The following TPRG1 variants were observed in gnomAD, a reference collection of about 807,000 sequenced individuals.
The protein encoded by TPRG1 is tumor protein p63-regulated gene 1 protein.
In TPRG1, 29 loss-of-function variants were observed where a neutral mutation model predicts 29.3. That is an observed-to-expected ratio of 0.99 (90% CI 0.74 to 1.35). The LOEUF (loss-of-function observed/expected upper bound fraction) is 1.35. Among genes scored for constraint, TPRG1 ranks in the 40% most tolerant of loss-of-function variants. TPRG1 has a pLI of 0.00. For missense variants in TPRG1, 327 were observed against 335.0 expected (o/e 0.98, Z 0.19); for synonymous variants, 130 against 116.8 (o/e 1.11, Z -0.73).
intron 4 of TPRG1, among the ~76,000 whole-genome samples, chr3:189,260,458 A>G (rs1712805015): frequency 6.6e-6 from 1 of 152,058 alleles, no homozygotes; most frequent in African/African-American, 2.4e-5. Context: ...TAGTGTAGCA[A>G]TTTTCCAAAA....
At chr3:189,052,867 T>C (rs951478071) in intron 4 of TPRG1, among the ~76,000 whole-genome samples, 2 of 152,166 alleles carry the variant, frequency 1.3e-5, no homozygotes, top group African/African-American at 2.4e-5. Flanking sequence ...ATCACTGATA[T>C]GTGGTAGCTA....
intron 5 of TPRG1, among the ~76,000 whole-genome samples, chr3:189,162,780 G>A (rs1727653831): frequency 6.6e-6 from 1 of 152,122 alleles, no homozygotes; most frequent in Non-Finnish European, 1.5e-5. Flanking sequence ...TTTGGAGAGA[G>A]AACCAGATCT....
At chr3:189,203,483 A>G (rs1733819277) in intron 1 of TPRG1, among the ~76,000 whole-genome samples, 1 of 152,222 alleles carries the variant, frequency 6.6e-6, no homozygotes, top group Non-Finnish European at 1.5e-5. Context: ...GGAACATTCC[A>G]AGATAAAATA....
At chr3:189,234,477 A>G (rs947922795) in intron 3 of TPRG1, among the ~76,000 whole-genome samples, 1 of 152,244 alleles carries the variant, frequency 6.6e-6, no homozygotes, top group African/African-American at 2.4e-5. Flanking sequence ...AGGATACCGC[A>G]GGTAACATTC....
At position 189,221,971 on chromosome 3, in the gene TPRG1, A is replaced by ATT. The variant is rs57226155; in HGVS notation, c.302+6598_302+6599dup. Among the ~76,000 whole-genome samples, 138 of 149,808 alleles carry ATT rather than the reference A, an allele frequency of 9.2e-4. 1 individual carries two copies. The highest frequency in any genetic ancestry group is 2.0e-3 in the East Asian group (10 of 5,090). On this transcript the variant is annotated intron_variant, in intron 3 of 5. Transcript: ENST00000345063. ...TACACTGCTTTTGCTGCCTTTTGTG[A>ATT]TTTTTTTTTTTCATCTCCCAATACA...
chr3:189,274,783 TAATC>T (rs1447099698), intron 4 of TPRG1, among the ~76,000 whole-genome samples: 4 of 152,218 alleles, frequency 2.6e-5, no homozygotes, highest in Non-Finnish European at 5.9e-5. Flanking sequence ...CATTTGAAGA[TAATC>T]AATTAATTTT....
intron 4 of TPRG1, among the ~76,000 whole-genome samples, chr3:189,259,013 C>T (rs561286310): frequency 2.0e-5 from 3 of 152,160 alleles, no homozygotes; most frequent in African/African-American, 7.2e-5. Context: ...GTGAACAGTT[C>T]TGTCTTGCTG....
intron 4 of TPRG1, among the ~76,000 whole-genome samples, chr3:189,277,971 G>T (rs192410661): frequency 6.6e-6 from 1 of 152,148 alleles, no homozygotes; most frequent in Non-Finnish European, 1.5e-5. Context: ...CTGAAGCCAC[G>T]TCGAAGCCTA....
intron 1 of TPRG1, among the ~76,000 whole-genome samples, chr3:189,105,082 A>C (rs1284538268): frequency 6.6e-6 from 1 of 152,154 alleles, no homozygotes; most frequent in African/African-American, 2.4e-5. Flanking sequence ...AGTGGTTTGT[A>C]GAAACCGTTT....
At chr3:189,271,397 A>G (rs1287547499) in intron 4 of TPRG1, among the ~76,000 whole-genome samples, 2 of 152,156 alleles carry the variant, frequency 1.3e-5, no homozygotes, top group African/African-American at 4.8e-5. Flanking sequence ...CTGTTTGCAG[A>G]GTCTTGCATA....
intron 4 of TPRG1, among the ~76,000 whole-genome samples, chr3:189,056,698 G>C (rs1715720217): frequency 6.6e-6 from 1 of 152,092 alleles, no homozygotes; most frequent in Admixed American, 6.6e-5. Flanking sequence ...ACATGGTAGG[G>C]GTTCAGATGA....
At chr3:189,228,231 T>G (rs977579506) in intron 3 of TPRG1, among the ~76,000 whole-genome samples, 2 of 152,160 alleles carry the variant, frequency 1.3e-5, no homozygotes, top group African/African-American at 4.8e-5. Flanking sequence ...AATTTACATT[T>G]TTTTTCCAAA....
At chr3:189,123,914 G>A (rs1423574223) in intron 1 of TPRG1, among the ~76,000 whole-genome samples, 1 of 152,200 alleles carries the variant, frequency 6.6e-6, no homozygotes, top group Non-Finnish European at 1.5e-5. Context: ...GCCAGCCGTG[G>A]CAGGCCCATC....
chr3:189,075,487 T>C (rs796356842), intron 4 of TPRG1, among the ~76,000 whole-genome samples: 23 of 152,320 alleles, frequency 1.5e-4, no homozygotes, highest in African/African-American at 5.5e-4. Context: ...TCTAGACTTC[T>C]TTATGAGTTT....
intron 5 of TPRG1, among the ~76,000 whole-genome samples, chr3:189,160,340 A>G (rs1035828138): frequency 6.6e-6 from 1 of 152,112 alleles, no homozygotes; most frequent in Admixed American, 6.6e-5. Flanking sequence ...GATTGAAGAT[A>G]ATTTTTTGGC....
At chr3:189,097,526 T>A (rs905737954), upstream of TPRG1, among the ~76,000 whole-genome samples, 1 of 152,252 alleles carries the variant, frequency 6.6e-6, no homozygotes, top group Non-Finnish European at 1.5e-5. Flanking sequence ...AAGCCCTTCG[T>A]GCATATTTCT....
At chr3:189,112,288 G>A (rs1578392962) in intron 1 of TPRG1, among the ~76,000 whole-genome samples, 3 of 152,126 alleles carry the variant, frequency 2.0e-5, no homozygotes. Flanking sequence ...TTTTGGCATG[G>A]AGGTAATGCC....
chr3:189,262,556 C>T (rs1192886852), intron 4 of TPRG1, among the ~76,000 whole-genome samples: 1 of 151,920 alleles, frequency 6.6e-6, no homozygotes, highest in Non-Finnish European at 1.5e-5. Context: ...AGTCATGGGG[C>T]AAGCAGACAG....
chr3:189,122,620 C>T (rs1721960989), intron 1 of TPRG1, among the ~76,000 whole-genome samples: 1 of 152,124 alleles, frequency 6.6e-6, no homozygotes, highest in East Asian at 1.9e-4. Flanking sequence ...TCATCTAGTC[C>T]AACCCTGTCC....
Sources: allele counts gnomAD v4.1 joint callset (sites outside exome capture counted in the v4.1 genomes callset), GRCh38; gene constraint gnomAD v4.1.1; transcripts MANE v1.5; gene names NCBI Gene and HGNC (gene_info 2026-07-23, HGNC 2026-07-21).